TTI1: variants seen among roughly 807,000 people sequenced by gnomAD.
TTI1 encodes TELO2-interacting protein 1 homolog.
Under a neutral mutation model 85.4 loss-of-function variants are expected in TTI1, and 52 were observed. The observed-to-expected ratio is 0.61, with a 90% CI of 0.49 to 0.77. The LOEUF (loss-of-function observed/expected upper bound fraction) is 0.77, where lower values mean the gene tolerates loss of function less well. Ranked by LOEUF, TTI1 falls within the 30% of genes least tolerant of loss-of-function variation. The pLI is 0.00. For missense variants in TTI1, 1,173 were observed against 1,296.0 expected (o/e 0.91, Z 1.46); for synonymous variants, 512 against 503.9 (o/e 1.02, Z -0.22).
In TTI1 at chr20:37,991,256, G is replaced by A. The variant is rs529272607; in HGVS notation, c.3086+5119C>T. Among the ~76,000 whole-genome samples, 614 of 152,296 alleles carry A rather than the reference G, an allele frequency of 4.0e-3. 4 individuals are homozygous for A. Among genetic ancestry groups the A allele is most frequent in the Non-Finnish European group, 7.1e-3 (480 of 68,022 alleles). On this transcript the variant is annotated intron_variant, in intron 7 of 7. Transcript: ENST00000373447. The stretch of plus-strand genomic sequence containing the variant: ...ATTTCCATGCTGGGTGCAATCCAAG[G>A]GGGAACAGCTTTGCAGTCCAAGCTC...
rs771822192 is a variant in TTI1, at chr20:38,013,838, T to C, written c.-22A>G. Reference sequence around the variant, plus strand: ...CCATTGTGCAGCAGCCTTCCCCTCATTGAGGAAACATCCTGCAGGCTGGAG... The same window carrying C: ...CCATTGTGCAGCAGCCTTCCCCTCACTGAGGAAACATCCTGCAGGCTGGAG... On this transcript the variant is annotated 5_prime_UTR_variant, in exon 2 of 8. It removes an upstream start codon present in the reference 5' UTR. Coordinates refer to ENST00000373447, the MANE Select transcript of TTI1 (RefSeq NM_001303457.2). 4 of 1,593,120 alleles carry C rather than the reference T, an allele frequency of 2.5e-6. No individual in the cohort carries two copies. Among genetic ancestry groups the C allele is most frequent in the African/African-American group, 2.7e-5 (2 of 74,386 alleles).
At chr20:38,014,584 C>A (rs1414483392) in intron 1 of TTI1, among the ~76,000 whole-genome samples, 1 of 152,112 alleles carries the variant, frequency 6.6e-6, no homozygotes, top group Non-Finnish European at 1.5e-5. Flanking sequence ...CTGACAGCAA[C>A]ATAAAGCGAA....
In TTI1 at chr20:38,012,649, T is replaced by C. The variant is rs751740207; in HGVS notation, c.1168A>G (p.Asn390Asp). Residue 390 changes from asparagine to aspartate, a missense_variant, in exon 2 of 8, where the codon AAC (asparagine) becomes GAC (aspartate). Physicochemically the swap from Asn to Asp is conservative, Grantham distance 23 (BLOSUM62 1). Transcript: ENST00000373447. ...AATTTGCCCTGGTCATCTTGGGAGT[T>C]CATTAGGCGAGGAAGAGATGTGGCA... is the stretch of plus-strand genomic sequence containing the variant. ...SLATSLPRLMNSQDDQGKFST... is the reference protein window; with the variant it reads ...SLATSLPRLMDSQDDQGKFST... 3.3e-5 allele frequency: 54 copies of C among 1,614,066 alleles called. No homozygotes were observed. Among genetic ancestry groups the C allele is most frequent in the Non-Finnish European group, 4.6e-5 (54 of 1,180,040 alleles).
At chr20:37,986,650 GCC>G (rs2073194209) in intron 7 of TTI1, among the ~76,000 whole-genome samples, 1 of 152,160 alleles carries the variant, frequency 6.6e-6, no homozygotes, top group Admixed American at 6.5e-5. Context: ...ATCACACCTG[GCC>G]CACTCTCCTC....
intron 1 of TTI1, among the ~76,000 whole-genome samples, chr20:38,027,561 A>AT (rs1214296663): frequency 6.6e-6 from 1 of 152,150 alleles, no homozygotes; most frequent in Non-Finnish European, 1.5e-5. Flanking sequence ...TTTAACATAA[A>AT]TTTTTTATGC....
rs750918066 is a variant in TTI1 at position 38,011,813 on chromosome 20, A to G, written c.2004T>C (p.Ser668=). ...EKAGDQTLLI[S]QVATSTMMDV... Reference sequence around the variant, plus strand: ...CCATCATGGTGCTGGTAGCCACCTGACTAATGAGTAGGGTTTGGTCTCCAG... The same window carrying G: ...CCATCATGGTGCTGGTAGCCACCTGGCTAATGAGTAGGGTTTGGTCTCCAG... Residue 668 remains serine, a synonymous_variant, in exon 2 of 8, where the codon AGT becomes AGC. Transcript: ENST00000373447. 11 of 1,614,126 alleles carry G rather than the reference A, an allele frequency of 6.8e-6. No individual in the cohort carries two copies. Among genetic ancestry groups the G allele is most frequent in the Non-Finnish European group, 9.3e-6 (11 of 1,180,042 alleles).
At chr20:37,987,695 G>T (rs1325238798) in intron 7 of TTI1, among the ~76,000 whole-genome samples, 2 of 152,186 alleles carry the variant, frequency 1.3e-5, no homozygotes, top group Non-Finnish European at 1.5e-5. Flanking sequence ...TTTAGAACTC[G>T]CTGTTAGGCA....
At position 37,983,374 on chromosome 20, in the gene TTI1, G is replaced by C. The variant is rs970719812; in HGVS notation, c.*82C>G. 1 of 1,435,052 alleles carries C rather than the reference G, an allele frequency of 7.0e-7. No individual in the cohort carries two copies. Among genetic ancestry groups the C allele is most frequent in the East Asian group, 2.5e-5 (1 of 40,708 alleles). 88.9% of individuals were successfully genotyped at this position (1,435,052 alleles called of 1,614,324 possible). On this transcript the variant is annotated 3_prime_UTR_variant, in exon 8 of 8. Coordinates refer to ENST00000373447, the MANE Select transcript of TTI1 (RefSeq NM_001303457.2). Reference sequence around the variant, plus strand: ...CACCTTCTCTGCTGCCGCTGCCACCGCCTATGGCCGGGGTGGGGTCAGCCC... The same window carrying C: ...CACCTTCTCTGCTGCCGCTGCCACCCCCTATGGCCGGGGTGGGGTCAGCCC...
intron 7 of TTI1, chr20:37,987,005 G>A (rs892416478): frequency 1.6e-5 from 6 of 366,510 alleles, no homozygotes; most frequent in African/African-American, 8.5e-5. Context: ...GAGGTGGGGA[G>A]CAAATGCCAT....
rs776922927 is a variant in TTI1, at chr20:37,996,385, C to T, written c.3076G>A (p.Ala1026Thr). The T allele has an allele frequency of 6.2e-7, 1 of 1,614,100 alleles. No individual in the cohort carries two copies. Among genetic ancestry groups the T allele is most frequent in the Non-Finnish European group, 8.5e-7 (1 of 1,180,010 alleles). ...ATCAGGCAGACGTACCTCCTGGCAG[C>T]CTCTTGTAATTTCACGGGCTGTTTG... ...SVKQPVKLQE[A>T]ARSVFLHLMK... Residue 1026 changes from alanine to threonine, a missense_variant, in exon 7 of 8, where the codon GCT becomes ACT. Transcript: ENST00000373447.
chr20:38,024,647 A>T (rs974579831), intron 1 of TTI1, among the ~76,000 whole-genome samples: 2 of 152,196 alleles, frequency 1.3e-5, no homozygotes, highest in African/African-American at 4.8e-5. Flanking sequence ...GCTCTACTCC[A>T]GCCAAACACT....
chr20:37,988,437 C>T (rs1256372057), intron 7 of TTI1, among the ~76,000 whole-genome samples: 1 of 152,220 alleles, frequency 6.6e-6, no homozygotes, highest in Non-Finnish European at 1.5e-5. Flanking sequence ...GTCTAGACAA[C>T]ATCTGCTCAA....
intron 2 of TTI1, among the ~76,000 whole-genome samples, chr20:38,009,846 T>C (rs1465755341): frequency 6.6e-6 from 1 of 152,200 alleles, no homozygotes; most frequent in African/African-American, 2.4e-5. Flanking sequence ...TATGTGTTGA[T>C]GGGCCTTTCT....
intron 4 of TTI1, among the ~76,000 whole-genome samples, chr20:37,999,996 C>G (rs1189480726): frequency 6.6e-6 from 1 of 152,126 alleles, no homozygotes; most frequent in African/African-American, 2.4e-5. Context: ...TGAAGGGTGA[C>G]AGAGAAACAA....
chr20:38,010,766 G>GC (rs2073573547), intron 2 of TTI1, among the ~76,000 whole-genome samples: 1 of 151,940 alleles, frequency 6.6e-6, no homozygotes, highest in South Asian at 2.1e-4. Context: ...ATGAGCCACC[G>GC]CCCCCAGCCA....
Position 38,012,415 on chromosome 20 carries a change from A to T in TTI1, c.1402T>A (p.Trp468Arg). 6.2e-7 allele frequency: 1 copy of T among 1,614,238 alleles called. No homozygotes were observed. Among genetic ancestry groups the T allele is most frequent in the Non-Finnish European group, 8.5e-7 (1 of 1,180,038 alleles). Residue 468 changes from tryptophan (W) to arginine (R), a missense_variant, in exon 2 of 8, where the codon TGG (tryptophan) becomes AGG (arginine). By Grantham distance (101) the Trp-to-Arg change is moderately radical. Transcript: ENST00000373447. ...ASPKTSATQP[W>R]NRIQRRYFRF... The stretch of plus-strand genomic sequence containing the variant: ...AAATATCTCCTCTGGATGCGGTTCC[A>T]AGGCTGTGTGGCTGAGGTCTTTGGA...
Position 37,999,335 on chromosome 20 carries a change from G to A in TTI1, c.2653-7C>T. On this transcript the variant is annotated splice_region_variant and splice_polypyrimidine_tract_variant and intron_variant, in intron 4 of 7. Transcript: ENST00000373447. ...GATCCAGCACATCCAAGACCTGAAAGAGACACGATTTCAGCAGATGGTATA... is the reference window on the plus strand; with the variant it reads ...GATCCAGCACATCCAAGACCTGAAAAAGACACGATTTCAGCAGATGGTATA... 7.1e-7 allele frequency: 1 copy of A among 1,402,844 alleles called. No individual in the cohort carries two copies. The highest frequency in any genetic ancestry group is 9.4e-7 in the Non-Finnish European group (1 of 1,069,124). The allele number at this position is 1,402,844 out of a possible 1,614,324, so 86.9% of individuals were successfully genotyped here.
chr20:37,989,732 C>A (rs1289626860), intron 7 of TTI1, among the ~76,000 whole-genome samples: 1 of 152,250 alleles, frequency 6.6e-6, no homozygotes, highest in Non-Finnish European at 1.5e-5. Flanking sequence ...GGTATGTACC[C>A]TTGAAGATAA....
chr20:38,030,528 A>AACACACACACACACACACAC lies in TTI1; in HGVS notation c.-42+2856_-42+2875dup, dbSNP rs3038751. 4.0e-3 allele frequency among the ~76,000 whole-genome samples: 573 copies of AACACACACACACACACACAC among 144,906 alleles called. 7 individuals carry two copies. The highest frequency in any genetic ancestry group is 0.013 in the African/African-American group (496 of 38,708). ...TATTAGGAAATTCAGCAGTATGTAA[A>AACACACACACACACACACAC]ACACACACACACACACACACACACA... On this transcript the variant is annotated intron_variant, in intron 1 of 7. Coordinates refer to ENST00000373447, the MANE Select transcript of TTI1 (RefSeq NM_001303457.2).
Sources: gnomAD v4.1 joint callset for allele counts (sites outside exome capture counted in the v4.1 genomes callset) on GRCh38, gnomAD v4.1.1 for gene constraint, MANE v1.5 for transcripts, NCBI Gene and HGNC (gene_info 2026-07-23, HGNC 2026-07-21) for gene names.